Variants in GRIP1 observed in about 807,000 individuals in gnomAD.
GRIP1 encodes glutamate receptor interacting protein 1.
In GRIP1, 45 loss-of-function variants were observed where a neutral mutation model predicts 129.9. The ratio of observed to expected loss-of-function variants is 0.35; its 90% confidence interval spans 0.27 to 0.44. The LOEUF (loss-of-function observed/expected upper bound fraction) is 0.44, where lower values mean the gene tolerates loss of function less well. Ranked by LOEUF, GRIP1 falls within the 20% of genes least tolerant of loss-of-function variation. The pLI is 1.00. For synonymous variants in GRIP1, 530 were observed against 520.8 expected (o/e 1.02, Z -0.24); for missense variants, 1,196 against 1,396.8 (o/e 0.86, Z 2.29).
chr12:66,868,689 T>A (rs558680769), intron 1 of GRIP1, among the ~76,000 whole-genome samples: 7 of 152,200 alleles, frequency 4.6e-5, no homozygotes, highest in African/African-American at 1.7e-4. Context: ...AATTTGTATT[T>A]GAGTCCTTAC....
intron 1 of GRIP1, among the ~76,000 whole-genome samples, chr12:66,851,938 T>C (rs1410567208): frequency 6.6e-6 from 1 of 152,114 alleles, no homozygotes; most frequent in African/African-American, 2.4e-5. Context: ...CAACCTGTCA[T>C]GATAGTTCAC....
At chr12:66,433,869 C>G (rs1339902023) in intron 13 of GRIP1, among the ~76,000 whole-genome samples, 1 of 152,112 alleles carries the variant, frequency 6.6e-6, no homozygotes, top group African/African-American at 2.4e-5. Flanking sequence ...AAGGCAGGTG[C>G]CTATCCAGCA....
At chr12:66,825,004 G>C (rs1304426975) in intron 1 of GRIP1, among the ~76,000 whole-genome samples, 1 of 151,848 alleles carries the variant, frequency 6.6e-6, no homozygotes, top group Admixed American at 6.6e-5. Context: ...ATTCTCTTTT[G>C]ACATGTTTAT....
chr12:67,053,484 T>C (rs1310736283), intron 1 of GRIP1, among the ~76,000 whole-genome samples: 1 of 152,190 alleles, frequency 6.6e-6, no homozygotes, highest in Non-Finnish European at 1.5e-5. Flanking sequence ...TCAGAATAAA[T>C]ATCGAGACAA....
chr12:66,994,198 A>G (rs955307929), intron 1 of GRIP1, among the ~76,000 whole-genome samples: 35 of 145,126 alleles, frequency 2.4e-4, no homozygotes, highest in South Asian at 8.8e-4. Flanking sequence ...GACAAGTGGG[A>G]AAAAAAAAAA....
intron 1 of GRIP1, among the ~76,000 whole-genome samples, chr12:66,817,787 T>G (rs1408283301): frequency 2.0e-5 from 3 of 152,200 alleles, no homozygotes; most frequent in African/African-American, 7.2e-5. Flanking sequence ...AGTCAAATAT[T>G]TTATGAAAAA....
At chr12:66,523,680 T>TA (rs1475632758) in intron 5 of GRIP1, among the ~76,000 whole-genome samples, 1 of 150,844 alleles carries the variant, frequency 6.6e-6, no homozygotes, top group Non-Finnish European at 1.5e-5. Flanking sequence ...CACATAACAA[T>TA]TTAACTTTAA....
chr12:66,969,240 T>C (rs2042038736), intron 1 of GRIP1, among the ~76,000 whole-genome samples: 1 of 152,194 alleles, frequency 6.6e-6, no homozygotes, highest in Non-Finnish European at 1.5e-5. Flanking sequence ...TGGATCTGAA[T>C]TTAGGTTAGA....
At chr12:66,983,394 A>T (rs2135602349) in intron 1 of GRIP1, among the ~76,000 whole-genome samples, 1 of 152,274 alleles carries the variant, frequency 6.6e-6, no homozygotes. Flanking sequence ...TTATTATTTT[A>T]AGAAATCAAA....
intron 16 of GRIP1, among the ~76,000 whole-genome samples, chr12:66,403,498 T>C (rs776208534): frequency 5.3e-5 from 8 of 152,226 alleles, no homozygotes; most frequent in East Asian, 1.9e-4. Context: ...ACTAGGATCA[T>C]ATAAATTCTT....
chr12:66,883,997 C>T (rs1393546736), intron 1 of GRIP1, among the ~76,000 whole-genome samples: 1 of 152,202 alleles, frequency 6.6e-6, no homozygotes, highest in Non-Finnish European at 1.5e-5. Flanking sequence ...AGAGGGTGAT[C>T]ATGCCAGTGC....
At chr12:66,937,744 A>G (rs1441670439) in intron 1 of GRIP1, among the ~76,000 whole-genome samples, 1 of 152,178 alleles carries the variant, frequency 6.6e-6, no homozygotes, top group Non-Finnish European at 1.5e-5. Context: ...CTCTCAATAG[A>G]TATTAGAGTT....
chr12:66,454,121 G>A (rs1397445127), intron 11 of GRIP1, among the ~76,000 whole-genome samples: 1 of 152,324 alleles, frequency 6.6e-6, no homozygotes, highest in East Asian at 1.9e-4. Flanking sequence ...TTATGCAATG[G>A]AGTTCACTGT....
intron 1 of GRIP1, among the ~76,000 whole-genome samples, chr12:66,962,756 G>T (rs547415525): frequency 6.6e-6 from 1 of 152,046 alleles, no homozygotes; most frequent in Non-Finnish European, 1.5e-5. Flanking sequence ...TTAGTCAATA[G>T]CCCACTTAAT....
intron 1 of GRIP1, among the ~76,000 whole-genome samples, chr12:66,637,437 T>A (rs1180879240): frequency 2.0e-5 from 3 of 151,966 alleles, no homozygotes; most frequent in African/African-American, 7.2e-5. Flanking sequence ...ACTCTTATTT[T>A]ACACATCTAG....
chr12:66,689,615 G>C (rs1197055961), intron 1 of GRIP1, among the ~76,000 whole-genome samples: 3 of 152,078 alleles, frequency 2.0e-5, no homozygotes, highest in East Asian at 3.9e-4. Context: ...ACTGTTAAAT[G>C]ACCACAATCA....
In GRIP1 at chr12:66,704,547, T is replaced by A. The variant is rs560740773; in HGVS notation, c.-419-74211A>T. ...AAAAACTCTTTAGTATCACAAGTAA[T>A]CACAGAATTGTGAAACAGAACACTG... is the stretch of plus-strand genomic sequence containing the variant. On this transcript the variant is annotated intron_variant, in intron 1 of 4. Coordinates refer to the GRIP1 transcript ENST00000538373. 7.9e-5 allele frequency among the ~76,000 whole-genome samples: 12 copies of A among 152,148 alleles called. No individual in the cohort carries two copies. The South Asian group carries it at 2.5e-3, about 32-fold the overall frequency.
At position 66,493,896 on chromosome 12, in the gene GRIP1, C is replaced by G. The variant is rs573090544; in HGVS notation, c.724+21723G>C. Among the ~76,000 whole-genome samples the G allele has an allele frequency of 1.1e-4, 16 of 152,264 alleles. No individual in the cohort carries two copies. The South Asian group carries it at 3.3e-3, about 32-fold the overall frequency. On this transcript the variant is annotated intron_variant, in intron 7 of 24. Coordinates refer to ENST00000359742, the MANE Select transcript of GRIP1 (RefSeq NM_001366722.1). The stretch of plus-strand genomic sequence containing the variant: ...TTCCTGGGCTGCTTATTCCTCTCCT[C>G]TCTCCTGAGGAAAGCTGGATTCTAA...
intron 2 of GRIP1, among the ~76,000 whole-genome samples, chr12:66,591,739 C>T (rs2063852864): frequency 1.3e-5 from 2 of 152,122 alleles, no homozygotes; most frequent in African/African-American, 2.4e-5. Context: ...AGGCAATCCT[C>T]CTACCTCAAT....
Sources: allele counts gnomAD v4.1 joint callset (sites outside exome capture counted in the v4.1 genomes callset), GRCh38; gene constraint gnomAD v4.1.1; transcripts MANE v1.5; gene names NCBI Gene and HGNC (gene_info 2026-07-23, HGNC 2026-07-21).